Variants in MECOM observed in about 807,000 individuals in gnomAD.
MECOM encodes histone-lysine N-methyltransferase MECOM.
A neutral mutation model predicts 116.3 loss-of-function variants in MECOM; 13 were observed. The observed-to-expected ratio is 0.11, with a 90% CI of 0.07 to 0.18. The LOEUF is 0.18. Ranked by LOEUF, MECOM falls within the 10% of genes least tolerant of loss-of-function variation. The pLI is 1.00. For missense variants in MECOM, 1,299 were observed against 1,509.0 expected, an observed-to-expected ratio of 0.86 and a Z score of 2.31; for synonymous variants, 528 against 535.2, an observed-to-expected ratio of 0.99 and a Z score of 0.19.
At chr3:169,404,342 A>C (rs752669761) in intron 1 of MECOM, among the ~76,000 whole-genome samples, 2 of 152,128 alleles carry the variant, frequency 1.3e-5, no homozygotes, top group Non-Finnish European at 2.9e-5. Flanking sequence ...GACAAAGGCC[A>C]ATCTTTCCCA....
chr3:169,197,491 A>C (rs938097629), intron 2 of MECOM, among the ~76,000 whole-genome samples: 6 of 151,908 alleles, frequency 3.9e-5, no homozygotes, highest in African/African-American at 1.2e-4. Flanking sequence ...GCAGCTTCTG[A>C]TCTTAGCCAT....
chr3:169,331,809 T>A (rs1215603029), intron 2 of MECOM, among the ~76,000 whole-genome samples: 1 of 152,104 alleles, frequency 6.6e-6, no homozygotes, highest in Admixed American at 6.6e-5. Context: ...TAAAATAAAT[T>A]GCCTATACAT....
At chr3:169,643,014 G>A (rs893822348) in intron 1 of MECOM, among the ~76,000 whole-genome samples, 3 of 152,130 alleles carry the variant, frequency 2.0e-5, no homozygotes, top group Admixed American at 2.0e-4. Context: ...CACAAAAGAG[G>A]AAAAGAGAGT....
At chr3:169,526,911 T>C (rs1168672628) in intron 1 of MECOM, among the ~76,000 whole-genome samples, 1 of 152,262 alleles carries the variant, frequency 6.6e-6, no homozygotes, top group African/African-American at 2.4e-5. Context: ...ATTCTACACA[T>C]TTGCAAAGAC....
At chr3:169,096,129 G>C (rs1273241675) in intron 12 of MECOM, among the ~76,000 whole-genome samples, 1 of 152,026 alleles carries the variant, frequency 6.6e-6, no homozygotes, top group East Asian at 1.9e-4. Flanking sequence ...TCTCATTAAT[G>C]AAGAAGAAAA....
intron 2 of MECOM, among the ~76,000 whole-genome samples, chr3:169,202,629 A>T (rs1295486294): frequency 6.6e-6 from 1 of 151,970 alleles, no homozygotes; most frequent in East Asian, 1.9e-4. Flanking sequence ...AGGCCTTTAC[A>T]TTTTTAATAT....
chr3:169,159,062 GTAGGAAGTTT>G (rs1322048294), intron 2 of MECOM, among the ~76,000 whole-genome samples: 3 of 152,090 alleles, frequency 2.0e-5, no homozygotes, highest in South Asian at 4.1e-4. Context: ...CCATAATGAG[GTAGGAAGTTT>G]TCTTCCTAGG....
chr3:169,426,297 G>C (rs1740673518), intron 1 of MECOM, among the ~76,000 whole-genome samples: 1 of 152,132 alleles, frequency 6.6e-6, no homozygotes, highest in Non-Finnish European at 1.5e-5. Flanking sequence ...ATTCTGTCAG[G>C]TAAGTACATG....
chr3:169,610,498 C>CGT (rs3045470), intron 1 of MECOM, among the ~76,000 whole-genome samples: 28,867 of 128,534 alleles, frequency 0.22, 2,781 homozygotes, highest in South Asian at 0.29. Flanking sequence ...TGTAATGTTA[C>CGT]GTGTGTGTGT....
At chr3:169,596,293 G>A (rs1767131643) in intron 1 of MECOM, among the ~76,000 whole-genome samples, 1 of 152,178 alleles carries the variant, frequency 6.6e-6, no homozygotes, top group African/African-American at 2.4e-5. Flanking sequence ...GGGCATATTG[G>A]ATGAGCACAT....
rs527822281 is a variant in MECOM, at chr3:169,656,964, T to A, written c.37+6372A>T. ...TTAGTAAAACCATAGGACTTGTGGT[T>A]TTTTCACCAAAGTGAAATATGAAGA... is the stretch of plus-strand genomic sequence containing the variant. On this transcript the variant is annotated intron_variant, in intron 1 of 16. Coordinates refer to ENST00000651503, the MANE Select transcript of MECOM (RefSeq NM_004991.4). Among the ~76,000 whole-genome samples, 481 of 152,316 alleles carry A rather than the reference T, an allele frequency of 3.2e-3. 2 individuals carry two copies. The highest frequency in any genetic ancestry group is 6.8e-3 in the Middle Eastern group (2 of 294).
intron 2 of MECOM, among the ~76,000 whole-genome samples, chr3:169,202,139 A>C (rs558000829): frequency 6.6e-6 from 1 of 152,274 alleles, no homozygotes; most frequent in South Asian, 2.1e-4. Flanking sequence ...GTAATTTACT[A>C]TAATCATTAC....
In MECOM at chr3:169,178,586, C is replaced by T. The variant is rs114564405; in HGVS notation, c.376-34754G>A. ...ATTTAGTGCAATCAGGTCATGTTTGCCAGCTTCAAGATAATGTTCACCAGC... is the reference window on the plus strand; with the variant it reads ...ATTTAGTGCAATCAGGTCATGTTTGTCAGCTTCAAGATAATGTTCACCAGC... On this transcript the variant is annotated intron_variant, in intron 2 of 16. Coordinates refer to ENST00000651503, the MANE Select transcript of MECOM (RefSeq NM_004991.4). Among the ~76,000 whole-genome samples, 1,224 of 152,192 alleles carry T rather than the reference C, an allele frequency of 8.0e-3. 8 individuals are homozygous for T. Among genetic ancestry groups the T allele is most frequent in the South Asian group, 0.021 (103 of 4,814 alleles).
intron 1 of MECOM, among the ~76,000 whole-genome samples, chr3:169,477,573 A>G (rs961413303): frequency 1.2e-4 from 18 of 152,224 alleles, no homozygotes; most frequent in Non-Finnish European, 2.4e-4. Flanking sequence ...GACTTAAACT[A>G]GAGGCTCTGC....
intron 1 of MECOM, among the ~76,000 whole-genome samples, chr3:169,661,429 A>C (rs995130376): frequency 6.6e-6 from 1 of 152,146 alleles, no homozygotes; most frequent in East Asian, 1.9e-4. Flanking sequence ...CCTCATTTAA[A>C]AGCAAACAGG....
At position 169,275,604 on chromosome 3, in the gene MECOM, C is replaced by T. The variant is rs550256626; in HGVS notation, c.375+105583G>A. On this transcript the variant is annotated intron_variant, in intron 2 of 16. Transcript: ENST00000651503. ...TTAAAATACACTATTTAATTTCACT[C>T]TCTTCTTTTTTCTTTTTTACTGCTA... is the stretch of plus-strand genomic sequence containing the variant. 2.6e-5 allele frequency among the ~76,000 whole-genome samples: 4 copies of T among 152,302 alleles called. No homozygotes were observed. The South Asian group carries it at 8.3e-4, about 32-fold the overall frequency.
chr3:169,464,211 T>G (rs1239882383), intron 1 of MECOM: 1 of 152,190 alleles, frequency 6.6e-6, no homozygotes, highest in Non-Finnish European at 1.5e-5. Flanking sequence ...ATTTGGAGTT[T>G]TGCTAACATT....
In MECOM at chr3:169,187,017, A is replaced by G. The variant is rs185374894; in HGVS notation, c.376-43185T>C. Among the ~76,000 whole-genome samples, 233 of 152,288 alleles carry G rather than the reference A, an allele frequency of 1.5e-3. 1 individual carries two copies. Among genetic ancestry groups the G allele is most frequent in the African/African-American group, 5.1e-3 (213 of 41,562 alleles). ...GGTGAACAATTTAACAAAAACTTGG[A>G]GGTTTAAACTTGTTCCGAAGCAATA... On this transcript the variant is annotated intron_variant, in intron 2 of 16. Coordinates refer to ENST00000651503, the MANE Select transcript of MECOM (RefSeq NM_004991.4).
intron 2 of MECOM, chr3:169,146,143 T>TA (rs557633097): frequency 2.9e-3 from 2,451 of 835,524 alleles, no homozygotes; most frequent in East Asian, 0.01. Context: ...AAAGATAGCT[T>TA]AAAAAAAAAC....
Sources: gnomAD v4.1 joint callset for allele counts (sites outside exome capture counted in the v4.1 genomes callset) on GRCh38, gnomAD v4.1.1 for gene constraint, MANE v1.5 for transcripts, NCBI Gene and HGNC (gene_info 2026-07-23, HGNC 2026-07-21) for gene names.